Variants in NRXN1 observed in about 807,000 individuals in gnomAD.
The protein encoded by NRXN1 is neurexin-1.
In NRXN1, 39 loss-of-function variants were observed where a neutral mutation model predicts 150.9. That is an observed-to-expected ratio of 0.26 (90% CI 0.20 to 0.34). NRXN1 has a LOEUF of 0.34. NRXN1 is among the 10% of genes least tolerant of loss of function. The pLI is 1.00. For synonymous variants in NRXN1, 924 were observed against 757.0 expected (o/e 1.22, Z -3.62); for missense variants, 1,815 against 1,949.9 (o/e 0.93, Z 1.30).
chr2:50,064,880 C>T (rs1458188548), intron 19 of NRXN1, among the ~76,000 whole-genome samples: 2 of 152,094 alleles, frequency 1.3e-5, no homozygotes, highest in East Asian at 1.9e-4. Flanking sequence ...GGGCAGAGGG[C>T]TTCTAGAATT....
intron 18 of NRXN1, among the ~76,000 whole-genome samples, chr2:50,094,454 T>A (rs1184481776): frequency 1.3e-5 from 2 of 152,118 alleles, no homozygotes; most frequent in East Asian, 3.9e-4. Context: ...GAAAGGGACA[T>A]TAGTGGAACA....
At chr2:51,021,498 A>C (rs949953814) in intron 2 of NRXN1, among the ~76,000 whole-genome samples, 5 of 151,966 alleles carry the variant, frequency 3.3e-5, no homozygotes, top group Admixed American at 2.0e-4. Context: ...TTAGTAATCA[A>C]TTTAATTCAC....
At chr2:50,367,934 C>T (rs1166655832) in intron 17 of NRXN1, among the ~76,000 whole-genome samples, 1 of 152,004 alleles carries the variant, frequency 6.6e-6, no homozygotes, top group African/African-American at 2.4e-5. Context: ...AATTACCTGT[C>T]TATCTAAACA....
At chr2:50,600,317 C>T (rs1676035284) in intron 8 of NRXN1, among the ~76,000 whole-genome samples, 1 of 146,522 alleles carries the variant, frequency 6.8e-6, no homozygotes. Flanking sequence ...GTAGTTAAGA[C>T]TAGCTTTTTT....
chr2:50,394,117 C>T (rs932969073), intron 17 of NRXN1, among the ~76,000 whole-genome samples: 1 of 152,042 alleles, frequency 6.6e-6, no homozygotes, highest in African/African-American at 2.4e-5. Flanking sequence ...TATTTTGTGA[C>T]CTCCAAATAT....
intron 5 of NRXN1, among the ~76,000 whole-genome samples, chr2:50,811,192 G>A (rs553838473): frequency 2.0e-5 from 3 of 152,038 alleles, no homozygotes; most frequent in African/African-American, 7.2e-5. Flanking sequence ...CTCAATGACC[G>A]GCTAATCCAA....
At chr2:50,379,281 TA>T (rs1441135124) in intron 17 of NRXN1, among the ~76,000 whole-genome samples, 1 of 152,150 alleles carries the variant, frequency 6.6e-6, no homozygotes, top group Admixed American at 6.5e-5. Flanking sequence ...TCAGTCAGTA[TA>T]CTCACTTTGT....
intron 16 of NRXN1, among the ~76,000 whole-genome samples, chr2:50,472,086 C>T (rs894939917): frequency 6.6e-6 from 1 of 151,704 alleles, no homozygotes; most frequent in African/African-American, 2.4e-5. Flanking sequence ...ATAGATATAC[C>T]TCCCATTTTA....
chr2:50,806,083 CT>C (rs1667473079), intron 5 of NRXN1, among the ~76,000 whole-genome samples: 1 of 152,170 alleles, frequency 6.6e-6, no homozygotes, highest in South Asian at 2.1e-4. Flanking sequence ...TTGCATTGTA[CT>C]TTAAAATCCA....
chr2:50,535,268 T>C (rs2093225660), intron 10 of NRXN1, among the ~76,000 whole-genome samples: 1 of 152,236 alleles, frequency 6.6e-6, no homozygotes, highest in Non-Finnish European at 1.5e-5. Flanking sequence ...AAAAGGCTAA[T>C]TCCAATACAA....
intron 5 of NRXN1, among the ~76,000 whole-genome samples, chr2:50,838,817 C>A (rs1441969195): frequency 6.6e-6 from 1 of 152,058 alleles, no homozygotes; most frequent in African/African-American, 2.4e-5. Context: ...TGATTTCAGA[C>A]GTCTATCCTC....
intron 18 of NRXN1, among the ~76,000 whole-genome samples, chr2:50,212,480 T>C (rs2063105402): frequency 6.6e-6 from 1 of 151,648 alleles, no homozygotes; most frequent in Admixed American, 6.6e-5. Flanking sequence ...TTTTTTTCTC[T>C]CTTCTATACA....
chr2:50,886,858 A>G (rs1680325936), intron 5 of NRXN1, among the ~76,000 whole-genome samples: 1 of 151,432 alleles, frequency 6.6e-6, no homozygotes, highest in African/African-American at 2.4e-5. Context: ...GAATATTCAA[A>G]GAAATAAATT....
chr2:50,086,649 A>G (rs1469169885), intron 19 of NRXN1, among the ~76,000 whole-genome samples: 1 of 152,116 alleles, frequency 6.6e-6, no homozygotes, highest in African/African-American at 2.4e-5. Flanking sequence ...TTATCTCCCA[A>G]TCAGACTAAT....
chr2:50,929,573 G>C, intron 2 of NRXN1, among the ~76,000 whole-genome samples: 1 of 152,052 alleles, frequency 6.6e-6, no homozygotes, highest in African/African-American at 2.4e-5. Context: ...CCACTACTGC[G>C]AGTAGCTTCT....
At chr2:50,992,922 G>A (rs1245064878) in intron 2 of NRXN1, among the ~76,000 whole-genome samples, 1 of 151,932 alleles carries the variant, frequency 6.6e-6, no homozygotes, top group Non-Finnish European at 1.5e-5. Flanking sequence ...TATAGGTACA[G>A]CAATATAAAG....
At chr2:50,721,419 A>G (rs1308730515) in intron 5 of NRXN1, among the ~76,000 whole-genome samples, 4 of 152,244 alleles carry the variant, frequency 2.6e-5, no homozygotes, top group African/African-American at 9.6e-5. Context: ...TTTACTAACA[A>G]CAAATATGTA....
intron 17 of NRXN1, among the ~76,000 whole-genome samples, chr2:50,248,653 TGTCATTGTA>T (rs2066740170): frequency 6.6e-6 from 1 of 152,208 alleles, no homozygotes; most frequent in Admixed American, 6.6e-5. Flanking sequence ...TTTATCATAA[TGTCATTGTA>T]AATATCATTG....
intron 17 of NRXN1, among the ~76,000 whole-genome samples, chr2:50,318,629 A>G (rs944768813): frequency 6.6e-6 from 1 of 152,112 alleles, no homozygotes; most frequent in African/African-American, 2.4e-5. Flanking sequence ...TAAATGCTAT[A>G]ATAAACCCCA....
Sources: gnomAD v4.1 joint callset for allele counts (sites outside exome capture counted in the v4.1 genomes callset) on GRCh38, gnomAD v4.1.1 for gene constraint, MANE v1.5 for transcripts, NCBI Gene and HGNC (gene_info 2026-07-23, HGNC 2026-07-21) for gene names.